Variants in ASIC2 observed in about 807,000 individuals in gnomAD.
ASIC2 encodes acid-sensing ion channel 2.
A neutral mutation model predicts 57.3 loss-of-function variants in ASIC2; 25 were observed. The observed-to-expected ratio is 0.44, with a 90% CI of 0.32 to 0.61. ASIC2 has a LOEUF of 0.61. ASIC2 is among the 20% of genes least tolerant of loss of function. ASIC2 has a pLI of 0.06. For synonymous variants in ASIC2, 319 were observed against 307.5 expected (o/e 1.04, Z -0.39); for missense variants, 641 against 738.1 (o/e 0.87, Z 1.52).
At chr17:33,762,775 A>G (rs1024458912) in intron 1 of ASIC2, among the ~76,000 whole-genome samples, 1 of 152,180 alleles carries the variant, frequency 6.6e-6, no homozygotes, top group African/African-American at 2.4e-5. Flanking sequence ...TGGGTGTCCC[A>G]TGTTAGAGCA....
intron 1 of ASIC2, among the ~76,000 whole-genome samples, chr17:33,338,572 G>A (rs1238870628): frequency 6.6e-6 from 1 of 152,170 alleles, no homozygotes; most frequent in Admixed American, 6.5e-5. Flanking sequence ...ATCAGAGGTG[G>A]AATGGCTACA....
intron 1 of ASIC2, among the ~76,000 whole-genome samples, chr17:33,621,460 T>C (rs543752113): frequency 1.3e-5 from 2 of 152,254 alleles, no homozygotes; most frequent in Admixed American, 1.3e-4. Context: ...TTTAGGAGAA[T>C]TGGGGAAGTA....
intron 1 of ASIC2, among the ~76,000 whole-genome samples, chr17:33,432,484 C>T (rs1468701349): frequency 6.6e-6 from 1 of 152,128 alleles, no homozygotes; most frequent in Non-Finnish European, 1.5e-5. Flanking sequence ...AGCCATGATC[C>T]CTACACTGCC....
chr17:33,324,289 G>A (rs535492961), intron 1 of ASIC2, among the ~76,000 whole-genome samples: 2 of 148,930 alleles, frequency 1.3e-5, no homozygotes, highest in South Asian at 4.2e-4. Flanking sequence ...TATGGACAGA[G>A]CAAGGGTTTT....
intron 3 of ASIC2, among the ~76,000 whole-genome samples, chr17:33,037,347 G>A (rs970888851): frequency 8.6e-5 from 13 of 151,368 alleles, no homozygotes; most frequent in Non-Finnish European, 1.6e-4. Flanking sequence ...GTGAAGCTCT[G>A]GAGATGGGCC....
At chr17:34,154,294 A>T (rs1405547869) in intron 1 of ASIC2, among the ~76,000 whole-genome samples, 2 of 152,172 alleles carry the variant, frequency 1.3e-5, no homozygotes, top group Non-Finnish European at 2.9e-5. Context: ...ATCTCTCCTC[A>T]AGCCACCTAA....
chr17:34,042,841 T>C (rs7211832), intron 1 of ASIC2, among the ~76,000 whole-genome samples: 19,971 of 152,242 alleles, frequency 0.13, 1,392 homozygotes, highest in South Asian at 0.19. Context: ...TGCATTGGAA[T>C]GTTTACAACA....
chr17:33,532,704 G>A (rs1915089612), intron 1 of ASIC2, among the ~76,000 whole-genome samples: 1 of 152,204 alleles, frequency 6.6e-6, no homozygotes, highest in Non-Finnish European at 1.5e-5. Context: ...GCTCAGACCT[G>A]CATCATCTTT....
chr17:33,573,448 A>G lies in ASIC2; in HGVS notation c.556-461381T>C, dbSNP rs565299797. Among the ~76,000 whole-genome samples the G allele has an allele frequency of 3.3e-5, 5 of 152,312 alleles. No individual in the cohort carries two copies. The South Asian group carries it at 1.0e-3, about 32-fold the overall frequency. ...CCCCATCTACCTTCCCTCCTCAGAGATAACCACCACCTGCAACGAATATTC... is the reference window on the plus strand; with the variant it reads ...CCCCATCTACCTTCCCTCCTCAGAGGTAACCACCACCTGCAACGAATATTC... On this transcript the variant is annotated intron_variant, in intron 1 of 9. Transcript: ENST00000359872.
At chr17:33,500,671 G>T (rs1292676814) in intron 1 of ASIC2, among the ~76,000 whole-genome samples, 1 of 152,230 alleles carries the variant, frequency 6.6e-6, no homozygotes, top group South Asian at 2.1e-4. Context: ...TTTCCAGGGG[G>T]CAGGGAATAT....
intron 1 of ASIC2, among the ~76,000 whole-genome samples, chr17:33,470,100 T>G (rs1373984665): frequency 6.6e-6 from 1 of 152,110 alleles, no homozygotes; most frequent in African/African-American, 2.4e-5. Flanking sequence ...GAATGACTCA[T>G]GTGGACTAGT....
Position 33,292,186 on chromosome 17 carries a change from A to G in ASIC2, c.-71T>C. 2 of 1,010,580 alleles carry G rather than the reference A, an allele frequency of 2.0e-6. No individual in the cohort carries two copies. Among genetic ancestry groups the G allele is most frequent in the Non-Finnish European group, 2.4e-6 (2 of 848,734 alleles). The allele number at this position is 1,010,580 out of a possible 1,614,324, so 62.6% of individuals were successfully genotyped here. A position where few individuals can be genotyped will look rare whatever the true frequency, so the allele number is the denominator to read the frequency against. The stretch of plus-strand genomic sequence containing the variant: ...CGGAGCCGCCATGGGAGTCCGCAGC[A>G]GCAGTGGAAGCAGCAGCAGCGGCAG... On this transcript the variant is annotated 5_prime_UTR_variant, in exon 1 of 10. Coordinates refer to ENST00000225823, the MANE Select transcript of ASIC2 (RefSeq NM_183377.2).
intron 1 of ASIC2, among the ~76,000 whole-genome samples, chr17:33,538,676 T>C (rs940774760): frequency 6.6e-6 from 1 of 152,198 alleles, no homozygotes; most frequent in African/African-American, 2.4e-5. Flanking sequence ...TGATCTGTTA[T>C]CCCCTCTTTG....
Position 33,632,935 on chromosome 17 carries a change from G to A in ASIC2, c.556-520868C>T, listed in dbSNP as rs114412356. 5.9e-3 allele frequency among the ~76,000 whole-genome samples: 896 copies of A among 152,302 alleles called. 13 individuals are homozygous for A. The highest frequency in any genetic ancestry group is 0.02 in the African/African-American group (818 of 41,556). ...TTCAAATATAGTTGGGGTTCCAGGA[G>A]GTTTGATAACTTGAGCAGAAAGCCC... On this transcript the variant is annotated intron_variant, in intron 1 of 9. Transcript: ENST00000359872.
At chr17:33,776,367 C>T (rs1392687666) in intron 1 of ASIC2, among the ~76,000 whole-genome samples, 1 of 152,156 alleles carries the variant, frequency 6.6e-6, no homozygotes, top group Non-Finnish European at 1.5e-5. Context: ...GCCTATGAGC[C>T]AGGAAGCAGG....
chr17:33,666,079 A>G (rs1316185082), intron 1 of ASIC2, among the ~76,000 whole-genome samples: 2 of 152,170 alleles, frequency 1.3e-5, no homozygotes, highest in East Asian at 1.9e-4. Flanking sequence ...TGTTTCATAA[A>G]TGTCAGAACC....
intron 1 of ASIC2, among the ~76,000 whole-genome samples, chr17:34,010,625 A>G (rs1021984495): frequency 2.0e-5 from 3 of 152,070 alleles, no homozygotes; most frequent in Non-Finnish European, 2.9e-5. Context: ...ACAAACATAC[A>G]AAAACACACA....
chr17:33,844,528 C>T (rs1913526536), intron 1 of ASIC2, among the ~76,000 whole-genome samples: 1 of 152,186 alleles, frequency 6.6e-6, no homozygotes. Flanking sequence ...TCTGCCCCAA[C>T]ATTGCTGTTG....
At chr17:33,417,436 A>G (rs1910884840) in intron 1 of ASIC2, among the ~76,000 whole-genome samples, 2 of 152,028 alleles carry the variant, frequency 1.3e-5, no homozygotes, top group African/African-American at 4.8e-5. Flanking sequence ...GCTTCTACCT[A>G]CCCGGCCAAG....
Sources: gnomAD v4.1 joint callset for allele counts (sites outside exome capture counted in the v4.1 genomes callset) on GRCh38, gnomAD v4.1.1 for gene constraint, MANE v1.5 for transcripts, NCBI Gene and HGNC (gene_info 2026-07-23, HGNC 2026-07-21) for gene names.